Variants in AFF2 observed in about 807,000 individuals in gnomAD.
AFF2 encodes the protein ALF transcription elongation factor 2, also known as AF4/FMR2 family member 2.
A neutral mutation model predicts 76.9 loss-of-function variants in AFF2; 14 were observed. The observed-to-expected ratio is 0.18, with a 90% CI of 0.12 to 0.28. The LOEUF (loss-of-function observed/expected upper bound fraction) is 0.28. AFF2 is among the 10% of genes least tolerant of loss of function. The pLI, the probability that AFF2 is intolerant of heterozygous loss-of-function variation, is 1.00. For synonymous variants in AFF2, 398 were observed against 366.7 expected, an observed-to-expected ratio of 1.09 and a Z score of -0.98; for missense variants, 868 against 1,001.1, an observed-to-expected ratio of 0.87 and a Z score of 1.79.
At chrX:148,530,207 T>C (rs1183238371) in intron 1 of AFF2, among the ~76,000 whole-genome samples, 1 of 111,674 alleles carries the variant, frequency 9.0e-6, no homozygotes, top group Non-Finnish European at 1.9e-5. Context: ...AAATGTTATA[T>C]CGCTACTGTT....
intron 1 of AFF2, among the ~76,000 whole-genome samples, chrX:148,630,645 G>A (rs782791000): frequency 8.2e-4 from 92 of 111,551 alleles, no homozygotes; most frequent in African/African-American, 2.8e-3. Flanking sequence ...CTCTCTTGCC[G>A]CTCCTGTGTC....
chrX:148,703,654 A>T (rs943436967), intron 3 of AFF2, among the ~76,000 whole-genome samples: 9 of 111,779 alleles, frequency 8.1e-5, no homozygotes, highest in Non-Finnish European at 1.5e-4. Flanking sequence ...CTAAGGTAAT[A>T]GAATTTAATA....
intron 7 of AFF2, among the ~76,000 whole-genome samples, chrX:148,851,400 G>A (rs1410258766): frequency 3.6e-5 from 4 of 112,553 alleles, no homozygotes; most frequent in African/African-American, 9.7e-5. Flanking sequence ...CTGGAACAGA[G>A]TAGGTGGGAT....
chrX:148,656,493 A>ATT (rs1205846596), intron 2 of AFF2, among the ~76,000 whole-genome samples: 840 of 67,889 alleles, frequency 0.012, 3 homozygotes, highest in African/African-American at 0.022. Context: ...TCCATGAGGA[A>ATT]TTTTTTTTTT....
chrX:148,690,174 G>A (rs1297625441), intron 3 of AFF2, among the ~76,000 whole-genome samples: 1 of 112,075 alleles, frequency 8.9e-6, no homozygotes, highest in African/African-American at 3.2e-5. Context: ...AGATCTTACA[G>A]AGAAAAGAGG....
intron 6 of AFF2, 31 bp downstream of exon 6, chrX:148,843,033 A>G (rs1274748745): frequency 2.3e-5 from 27 of 1,160,739 alleles, no homozygotes; most frequent in Non-Finnish European, 2.8e-5. Context: ...TTCTTAGTCC[A>G]AACATCCATG....
intron 4 of AFF2, among the ~76,000 whole-genome samples, chrX:148,829,055 C>T (rs2070421662): frequency 8.9e-6 from 1 of 112,443 alleles, no homozygotes; most frequent in Non-Finnish European, 1.9e-5. Context: ...AGAATATTTC[C>T]AGATTCCCTT....
chrX:148,907,434 G>C (rs2071419979), intron 9 of AFF2, among the ~76,000 whole-genome samples: 1 of 111,588 alleles, frequency 9.0e-6, no homozygotes, highest in African/African-American at 3.3e-5. Flanking sequence ...ATTTCACGTA[G>C]GTTCTTTTCT....
intron 3 of AFF2, among the ~76,000 whole-genome samples, chrX:148,784,394 C>G (rs1458402885): frequency 8.9e-6 from 1 of 111,886 alleles, no homozygotes; most frequent in East Asian, 2.8e-4. Context: ...AGGGAGCCAT[C>G]AAAGTGTCAG....
At chrX:148,504,729 C>G (rs2052389203) in intron 1 of AFF2, among the ~76,000 whole-genome samples, 1 of 112,589 alleles carries the variant, frequency 8.9e-6, no homozygotes, top group African/African-American at 3.2e-5. Flanking sequence ...CTTGCGAGGG[C>G]GGGGCAGTGC....
At chrX:148,650,195 A>G (rs1487480407) in intron 1 of AFF2, among the ~76,000 whole-genome samples, 1 of 111,187 alleles carries the variant, frequency 9.0e-6, no homozygotes, top group Non-Finnish European at 1.9e-5. Flanking sequence ...CGCCACACTT[A>G]ACGGACTGAA....
intron 3 of AFF2, among the ~76,000 whole-genome samples, chrX:148,805,161 AAGTACAAACGGAATT>A (rs1203506645): frequency 4.5e-5 from 5 of 111,962 alleles, no homozygotes; most frequent in African/African-American, 1.6e-4. Flanking sequence ...TTGTTAATGA[AAGTACAAACGGAATT>A]AGTTTGGAAG....
intron 3 of AFF2, among the ~76,000 whole-genome samples, chrX:148,760,868 C>T (rs1407760958): frequency 9.0e-6 from 1 of 111,603 alleles, no homozygotes; most frequent in Admixed American, 9.5e-5. Context: ...TTAACATATT[C>T]CTGTGTTAAG....
chrX:148,924,504 T>C (rs1468599729), intron 9 of AFF2, among the ~76,000 whole-genome samples: 3 of 112,349 alleles, frequency 2.7e-5, no homozygotes, highest in Non-Finnish European at 3.8e-5. Context: ...TGGAGATAAC[T>C]TGGACAATTA....
intron 1 of AFF2, among the ~76,000 whole-genome samples, chrX:148,504,069 A>G (rs1198647763): frequency 1.8e-5 from 2 of 112,104 alleles, no homozygotes; most frequent in Non-Finnish European, 3.8e-5. Flanking sequence ...AAATCATTCC[A>G]TAGACTTGTT....
intron 1 of AFF2, among the ~76,000 whole-genome samples, chrX:148,630,066 A>G (rs1221415478): frequency 9.0e-6 from 1 of 111,478 alleles, no homozygotes; most frequent in Non-Finnish European, 1.9e-5. Context: ...GATACATTCC[A>G]TTTTACCTAG....
chrX:148,637,399 G>T (rs1330266886), intron 1 of AFF2, among the ~76,000 whole-genome samples: 1 of 112,317 alleles, frequency 8.9e-6, no homozygotes, highest in Admixed American at 9.4e-5. Context: ...GCATAGGTTA[G>T]ACTGTTACAA....
intron 1 of AFF2, among the ~76,000 whole-genome samples, chrX:148,597,593 T>A (rs1046139721): frequency 3.6e-5 from 4 of 112,394 alleles, no homozygotes; most frequent in Non-Finnish European, 5.6e-5. Context: ...TTGATCCACT[T>A]TTTTCATCTT....
chrX:148,999,393 C>T lies in AFF2; in HGVS notation c.*8061C>T, dbSNP rs1339863916. On this transcript the variant is annotated 3_prime_UTR_variant, in exon 21 of 21. Transcript: ENST00000370460. ...TCTCTTCTTCCTGGAAAAAAAAGGA[C>T]ATTTTCATGCATATTTTAAACAGAA... 3.6e-5 allele frequency: 4 copies of T among 112,444 alleles called. No homozygotes were observed. Among genetic ancestry groups the T allele is most frequent in the Non-Finnish European group, 5.6e-5 (3 of 53,296 alleles). 9.3% of individuals were successfully genotyped at this position (112,444 alleles called of 1,213,427 possible).
Sources: gnomAD v4.1 joint callset for allele counts (sites outside exome capture counted in the v4.1 genomes callset) on GRCh38, gnomAD v4.1.1 for gene constraint, MANE v1.5 for transcripts, NCBI Gene and HGNC (gene_info 2026-07-23, HGNC 2026-07-21) for gene names.